RNF144B: variants seen among roughly 807,000 people sequenced by gnomAD.
RNF144B encodes E3 ubiquitin-protein ligase RNF144B.
Under a neutral mutation model 40.2 loss-of-function variants are expected in RNF144B, and 25 were observed. The observed-to-expected ratio is 0.62, with a 90% CI of 0.45 to 0.87. RNF144B has a LOEUF of 0.87. Ranked by LOEUF, RNF144B falls within the 40% of genes least tolerant of loss-of-function variation. The pLI, the probability that RNF144B is intolerant of heterozygous loss-of-function variation, is 0.00. For synonymous variants in RNF144B, 145 were observed against 136.3 expected (o/e 1.06, Z -0.44); for missense variants, 365 against 373.7 (o/e 0.98, Z 0.19).
At position 18,459,168 on chromosome 6, in the gene RNF144B, G is replaced by A. The variant is rs72832496; in HGVS notation, c.537-439G>A. On this transcript the variant is annotated intron_variant, in intron 5 of 7. Transcript: ENST00000259939. This position sits in a 1 kb window ranked among gnomAD's most constrained non-coding sequence, Gnocchi z 4.2. ...TGGTCTATTCGTCTGTTTGGAGAAG[G>A]TCTTTTGAAAGTATTTGACATTATT... 0.013 allele frequency among the ~76,000 whole-genome samples: 1,924 copies of A among 152,226 alleles called. 24 individuals are homozygous for A. Among genetic ancestry groups the A allele is most frequent in the Middle Eastern group, 0.027 (8 of 294 alleles).
intron 3 of RNF144B, among the ~76,000 whole-genome samples, chr6:18,436,056 A>T (rs1758817384): frequency 6.7e-6 from 1 of 149,010 alleles, no homozygotes; most frequent in Admixed American, 6.7e-5. Context: ...CAAATCACAC[A>T]CTAAAAAAAA....
At chr6:18,408,073 C>T (rs570028947) in intron 2 of RNF144B, among the ~76,000 whole-genome samples, 100 of 150,998 alleles carry the variant, frequency 6.6e-4, no homozygotes, top group Admixed American at 1.7e-3. Context: ...TGACCTTTGC[C>T]TCCTGGGTTC....
At position 18,398,359 on chromosome 6, in the gene RNF144B, T is replaced by A. The variant is rs1794731706; in HGVS notation, c.-36-1140T>A. ...CACTGTATATATAGACCACATTTTG[T>A]TTGTTCTTCTGTCTTTTTAATTTTT... On this transcript the variant is annotated intron_variant, in intron 1 of 7. Transcript: ENST00000259939. The surrounding 1 kb of genome is among the most constrained non-coding windows in gnomAD (Gnocchi z 5.0). Among the ~76,000 whole-genome samples, 1 of 152,066 alleles carries A rather than the reference T, an allele frequency of 6.6e-6. No individual in the cohort carries two copies. Among genetic ancestry groups the A allele is most frequent in the African/African-American group, 2.4e-5 (1 of 41,390 alleles).
chr6:18,407,900 C>T (rs766326294), intron 2 of RNF144B, among the ~76,000 whole-genome samples: 11 of 151,288 alleles, frequency 7.3e-5, no homozygotes, highest in Non-Finnish European at 1.3e-4. Context: ...CTCTATGACT[C>T]GAATCAAGTT....
intron 2 of RNF144B, among the ~76,000 whole-genome samples, chr6:18,411,481 ATATATATATATATATATT>A (rs1562044298): frequency 1.4e-4 from 4 of 27,892 alleles, no homozygotes; most frequent in East Asian, 1.0e-3. Context: ...ATATATATAT[ATATATATATATATATATT>A]TTTTTTTTTT....
At chr6:18,423,639 A>G (rs1175489122) in intron 2 of RNF144B, among the ~76,000 whole-genome samples, 2 of 152,192 alleles carry the variant, frequency 1.3e-5, no homozygotes, top group African/African-American at 2.4e-5. Context: ...TCCATTGCAT[A>G]CAATTCATAG....
Position 18,398,583 on chromosome 6 carries a change from G to A in RNF144B, c.-36-916G>A, listed in dbSNP as rs574465877. Among the ~76,000 whole-genome samples the A allele has an allele frequency of 4.1e-4, 63 of 152,118 alleles. No homozygotes were observed. Among genetic ancestry groups the A allele is most frequent in the African/African-American group, 1.3e-3 (56 of 41,494 alleles). On this transcript the variant is annotated intron_variant, in intron 1 of 7. Coordinates refer to ENST00000259939, the MANE Select transcript of RNF144B (RefSeq NM_182757.4). This position sits in a 1 kb window ranked among gnomAD's most constrained non-coding sequence, Gnocchi z 5.0. ...GTAATTTTGTATTTTTAGTAGAGAC[G>A]AGGTTTCACCATGTTGGCCAGGCTG...
intron 2 of RNF144B, among the ~76,000 whole-genome samples, chr6:18,415,141 G>T (rs762130100): frequency 1.3e-5 from 2 of 152,044 alleles, no homozygotes; most frequent in Non-Finnish European, 2.9e-5. Context: ...TTCTTATTGT[G>T]ATTTTAAAAA....
rs1376789895 is a variant in RNF144B, at chr6:18,457,422, T to C, written c.536+63T>C. 8.0e-7 allele frequency: 1 copy of C among 1,250,900 alleles called. No homozygotes were observed. Among genetic ancestry groups the C allele is most frequent in the Non-Finnish European group, 1.2e-6 (1 of 849,226 alleles). The allele number at this position is 1,250,900 out of a possible 1,614,324, so 77.5% of individuals were successfully genotyped here. A position where few individuals can be genotyped will look rare whatever the true frequency, so the allele number is the denominator to read the frequency against. ...GTTTTCTTAGAAATTCAACATACCT[T>C]ACGTGTAGAAGGAGTTACGTTGTGA... On this transcript the variant is annotated intron_variant, in intron 5 of 7. Coordinates refer to ENST00000259939, the MANE Select transcript of RNF144B (RefSeq NM_182757.4). This position sits in a 1 kb window ranked among gnomAD's most constrained non-coding sequence, Gnocchi z 5.1.
At position 18,464,859 on chromosome 6, in the gene RNF144B, A is replaced by G; in HGVS notation, c.772-68A>G. ...CATTTGGCCCACAGCAGATAACAGT[A>G]TAGTTGGAATAAGTATACATATTGA... On this transcript the variant is annotated intron_variant, in intron 7 of 7. Coordinates refer to ENST00000259939, the MANE Select transcript of RNF144B (RefSeq NM_182757.4). This position sits in a 1 kb window ranked among gnomAD's most constrained non-coding sequence, Gnocchi z 6.1. 4 of 1,470,296 alleles carry G rather than the reference A, an allele frequency of 2.7e-6. No individual in the cohort carries two copies. Among genetic ancestry groups the G allele is most frequent in the Non-Finnish European group, 3.8e-6 (4 of 1,056,546 alleles). 91.1% of individuals were successfully genotyped at this position (1,470,296 alleles called of 1,614,324 possible). A position where few individuals can be genotyped will look rare whatever the true frequency, so the allele number is the denominator to read the frequency against.
rs1235017721 is a variant in RNF144B at position 18,467,486 on chromosome 6, A to G, written c.*2419A>G. ...CAATAATTGGATTTAATTTTTTTTA[A>G]CATTGAAAAGTGCCTGAAAAATGGT... On this transcript the variant is annotated 3_prime_UTR_variant, in exon 8 of 8. Coordinates refer to ENST00000259939, the MANE Select transcript of RNF144B (RefSeq NM_182757.4). 8.8e-6 allele frequency: 1 copy of G among 114,164 alleles called. No individual in the cohort carries two copies. Among genetic ancestry groups the G allele is most frequent in the Non-Finnish European group, 1.7e-5 (1 of 57,318 alleles). 7.1% of individuals were successfully genotyped at this position (114,164 alleles called of 1,614,324 possible). A position where few individuals can be genotyped will look rare whatever the true frequency, so the allele number is the denominator to read the frequency against.
Position 18,418,777 on chromosome 6 carries a change from CAT to C in RNF144B, c.166-8802_166-8801del, listed in dbSNP as rs901852186. Among the ~76,000 whole-genome samples the C allele has an allele frequency of 3.3e-5, 5 of 151,432 alleles. No individual in the cohort carries two copies. Among genetic ancestry groups the C allele is most frequent in the Admixed American group, 6.6e-5 (1 of 15,164 alleles). The stretch of plus-strand genomic sequence containing the variant: ...TGAATTATATCTCAATAAAACATGA[CAT>C]AATATAAAATATATAATATTTACAT... On this transcript the variant is annotated intron_variant, in intron 2 of 7. Transcript: ENST00000259939. The surrounding 1 kb of genome is among the most constrained non-coding windows in gnomAD (Gnocchi z 5.2).
chr6:18,410,593 G>A lies in RNF144B; in HGVS notation c.165+10894G>A, dbSNP rs1334457478. On this transcript the variant is annotated intron_variant, in intron 2 of 7. Coordinates refer to ENST00000259939, the MANE Select transcript of RNF144B (RefSeq NM_182757.4). The surrounding 1 kb of genome is among the most constrained non-coding windows in gnomAD (Gnocchi z 4.6). ...GAGTGACCTGCTGAGGAACCAAACC[G>A]GAAGATGTTCCTGGGACACATTGTT... is the stretch of plus-strand genomic sequence containing the variant. Among the ~76,000 whole-genome samples the A allele has an allele frequency of 2.6e-5, 4 of 152,102 alleles. No homozygotes were observed. The highest frequency in any genetic ancestry group is 5.9e-5 in the Non-Finnish European group (4 of 68,018).
chr6:18,463,394 A>G lies in RNF144B; in HGVS notation c.771+14A>G. On this transcript the variant is annotated intron_variant, in intron 7 of 7. Transcript: ENST00000259939. The stretch of plus-strand genomic sequence containing the variant: ...AACCGAACACAGGTACCCTGACCTT[A>G]TAGGGAGCGTGACATAAACCAAAAT... The G allele has an allele frequency of 1.3e-6, 2 of 1,555,704 alleles. No individual in the cohort carries two copies. The highest frequency in any genetic ancestry group is 1.8e-6 in the Non-Finnish European group (2 of 1,126,680).
At chr6:18,404,392 T>G (rs1014775732) in intron 2 of RNF144B, among the ~76,000 whole-genome samples, 2 of 152,188 alleles carry the variant, frequency 1.3e-5, no homozygotes, top group Admixed American at 1.3e-4. Context: ...TCTCTAGACT[T>G]TAGTTTCTTT....
At chr6:18,432,410 G>A (rs1758714210) in intron 3 of RNF144B, among the ~76,000 whole-genome samples, 1 of 152,222 alleles carries the variant, frequency 6.6e-6, no homozygotes, top group Non-Finnish European at 1.5e-5. Context: ...CCAGGGAAAA[G>A]TAAAACTTTC....
Position 18,460,870 on chromosome 6 carries a change from A to G in RNF144B, c.681+1119A>G, listed in dbSNP as rs1369202813. On this transcript the variant is annotated intron_variant, in intron 6 of 7. Coordinates refer to ENST00000259939, the MANE Select transcript of RNF144B (RefSeq NM_182757.4). This position sits in a 1 kb window ranked among gnomAD's most constrained non-coding sequence, Gnocchi z 4.4. ...CTGGTCTTTTAAAGTTTGGGGTAAC[A>G]TAAGTTGTTTATAGATAACACTCTG... Among the ~76,000 whole-genome samples the G allele has an allele frequency of 6.6e-6, 1 of 152,246 alleles. No homozygotes were observed. The highest frequency in any genetic ancestry group is 1.5e-5 in the Non-Finnish European group (1 of 68,038).
At chr6:18,390,134 T>C (rs1393483479) in intron 1 of RNF144B, among the ~76,000 whole-genome samples, 1 of 152,224 alleles carries the variant, frequency 6.6e-6, no homozygotes, top group African/African-American at 2.4e-5. Context: ...TGAATTCACA[T>C]TGCTTTGCCA....
In RNF144B at chr6:18,418,197, A is replaced by G. The variant is rs1795182424; in HGVS notation, c.166-9384A>G. On this transcript the variant is annotated intron_variant, in intron 2 of 7. Transcript: ENST00000259939. The surrounding 1 kb of genome is among the most constrained non-coding windows in gnomAD (Gnocchi z 5.2). ...TCTAGCAGTTCCTCAAAAGGCAAAG[A>G]TAGAGTTACCATATACCATACCTAC... is the stretch of plus-strand genomic sequence containing the variant. 6.6e-6 allele frequency among the ~76,000 whole-genome samples: 1 copy of G among 152,198 alleles called. No homozygotes were observed. The highest frequency in any genetic ancestry group is 6.5e-5 in the Admixed American group (1 of 15,270).
Sources: allele counts gnomAD v4.1 joint callset (sites outside exome capture counted in the v4.1 genomes callset), GRCh38; gene constraint gnomAD v4.1.1; non-coding constraint Gnocchi (gnomAD v3.1); transcripts MANE v1.5; gene names NCBI Gene and HGNC (gene_info 2026-07-23, HGNC 2026-07-21).